UBE3C: variants seen among roughly 807,000 people sequenced by gnomAD.
UBE3C encodes the protein ubiquitin protein ligase E3C.
UBE3C carries 42 observed loss-of-function variants against 129.4 expected under a neutral mutation model. The ratio of observed to expected loss-of-function variants is 0.32; its 90% CI spans 0.25 to 0.42. The LOEUF (loss-of-function observed/expected upper bound fraction) is 0.42. UBE3C is among the 10% of genes least tolerant of loss of function. UBE3C has a pLI of 1.00. For synonymous variants in UBE3C, 510 were observed against 492.4 expected, an observed-to-expected ratio of 1.04 and a Z score of -0.47; for missense variants, 1,049 against 1,319.1, an observed-to-expected ratio of 0.80 and a Z score of 3.17.
In UBE3C at chr7:157,256,837, G is replaced by A. The variant is rs573850273; in HGVS notation, c.2951-77G>A. 7 of 1,584,800 alleles carry A rather than the reference G, an allele frequency of 4.4e-6. No homozygotes were observed. The Admixed American group carries it at 5.3e-5, about 12-fold the overall frequency. On this transcript the variant is annotated intron_variant, in intron 21 of 22. Transcript: ENST00000348165. ...TCCATGGACTTTAGTTTCCGTGGGT[G>A]TCTGGACCAATCCCTGTGGGTCCTG...
In UBE3C at chr7:157,253,995, C is replaced by T. The variant is rs1027569226; in HGVS notation, c.2736C>T (p.Thr912=). 21 of 1,605,336 alleles carry T rather than the reference C, an allele frequency of 1.3e-5. No homozygotes were observed. The highest frequency in any genetic ancestry group is 1.7e-5 in the Non-Finnish European group (20 of 1,175,288). ...LKFGGKDIPV[T]SANRIAYIHL... is the part of the protein sequence containing the mutation. ...TCGGTGGGAAAGACATCCCTGTCAC[C>T]AGCGCCAACCGGATTGCGTACATCC... The change falls in exon 20 of 23, where the codon ACC becomes ACT. Residue 912 remains threonine, a synonymous_variant. Transcript: ENST00000348165.
chr7:157,198,100 G>A (rs903101561), intron 10 of UBE3C: 34 of 1,612,166 alleles, frequency 2.1e-5, no homozygotes, highest in Non-Finnish European at 2.7e-5. Context: ...GCATTTGTTG[G>A]TTCATTGTAA....
At chr7:157,151,602 C>T (rs764136665) in intron 1 of UBE3C, among the ~76,000 whole-genome samples, 15 of 152,006 alleles carry the variant, frequency 9.9e-5, no homozygotes, top group African/African-American at 2.2e-4. Flanking sequence ...ATTATCCTGC[C>T]GGAAATACTA....
chr7:157,139,306 C>T lies in UBE3C; in HGVS notation c.34C>T (p.Pro12Ser), dbSNP rs1369566878. The T allele has an allele frequency of 6.3e-7, 1 of 1,583,864 alleles. No homozygotes were observed. Among genetic ancestry groups the T allele is most frequent in the Non-Finnish European group, 8.5e-7 (1 of 1,172,370 alleles). ...CTTCGAAGGCGACTTCAAGACGCGG[C>T]CCAAGGTGTCCCTTGGCGGCGCGAG... The part of the protein sequence containing the change: ...FSFEGDFKTR[P>S]KVSLGGASRK... The change falls in exon 1 of 23, where the codon CCC (proline) becomes TCC (serine). Residue 12 changes from proline to serine, a missense_variant. Transcript: ENST00000348165.
At chr7:157,255,718 T>C (rs1021608964) in intron 21 of UBE3C, among the ~76,000 whole-genome samples, 10 of 152,214 alleles carry the variant, frequency 6.6e-5, no homozygotes, top group African/African-American at 2.4e-4. Flanking sequence ...ATTGGTGTTA[T>C]TTCTGTAGTA....
intron 21 of UBE3C, 56 bp downstream of exon 21, chr7:157,254,366 C>A: frequency 1.9e-6 from 2 of 1,060,294 alleles, no homozygotes; most frequent in Non-Finnish European, 2.5e-6. Context: ...GTCATATTTC[C>A]AAAGTAATTT....
intron 11 of UBE3C, among the ~76,000 whole-genome samples, chr7:157,202,910 T>C (rs1029129336): frequency 2.6e-5 from 4 of 152,170 alleles, no homozygotes; most frequent in Admixed American, 1.3e-4. Context: ...GAACAAGAAG[T>C]TAGAAGAAAG....
intron 22 of UBE3C, among the ~76,000 whole-genome samples, chr7:157,262,408 G>GTTTTTTT (rs1247521634): frequency 1.5e-4 from 3 of 19,706 alleles, no homozygotes; most frequent in African/African-American, 2.3e-4. Context: ...CTCTTCATAG[G>GTTTTTTT]CTTTTTTTTT....
At chr7:157,177,238 C>T (rs1808542048) in intron 5 of UBE3C, among the ~76,000 whole-genome samples, 1 of 152,140 alleles carries the variant, frequency 6.6e-6, no homozygotes, top group African/African-American at 2.4e-5. Flanking sequence ...ATTTGTATTT[C>T]CTGGATTACT....
chr7:157,239,751 G>A (rs1389451426), intron 18 of UBE3C, among the ~76,000 whole-genome samples: 5 of 152,212 alleles, frequency 3.3e-5, no homozygotes, highest in Admixed American at 2.6e-4. Context: ...GAATTGCTGA[G>A]GGAGAGAGGA....
At chr7:157,161,645 G>T (rs1429886108) in intron 1 of UBE3C, among the ~76,000 whole-genome samples, 2 of 151,862 alleles carry the variant, frequency 1.3e-5, no homozygotes, top group African/African-American at 2.4e-5. Context: ...GTGGAGATAG[G>T]GTTTCACCAT....
intron 10 of UBE3C, among the ~76,000 whole-genome samples, chr7:157,196,497 CTT>C (rs1809124282): frequency 6.6e-6 from 1 of 152,114 alleles, no homozygotes; most frequent in Non-Finnish European, 1.5e-5. Flanking sequence ...CTACACTAGT[CTT>C]GTTCTGGAGA....
intron 11 of UBE3C, among the ~76,000 whole-genome samples, chr7:157,204,281 A>G (rs1007510265): frequency 1.3e-5 from 2 of 151,846 alleles, no homozygotes; most frequent in African/African-American, 2.4e-5. Flanking sequence ...CATTGCTAGG[A>G]CTTACAGCTT....
intron 22 of UBE3C, among the ~76,000 whole-genome samples, chr7:157,266,149 C>T (rs943911998): frequency 6.6e-6 from 1 of 152,000 alleles, no homozygotes; most frequent in Non-Finnish European, 1.5e-5. Flanking sequence ...CCCGTCTCTA[C>T]TAAAAATACA....
At chr7:157,263,180 TC>T (rs1796965965) in intron 22 of UBE3C, 1 of 152,456 alleles carries the variant, frequency 6.6e-6, no homozygotes, top group Admixed American at 6.5e-5. Flanking sequence ...TCCCGGAAAA[TC>T]AGCTTAGTCT....
chr7:157,140,634 G>A (rs1367049737), intron 1 of UBE3C, among the ~76,000 whole-genome samples: 1 of 152,202 alleles, frequency 6.6e-6, no homozygotes, highest in African/African-American at 2.4e-5. Context: ...ATTTGAAGGA[G>A]TGCCCATTCA....
At chr7:157,153,480 G>C (rs566322288) in intron 1 of UBE3C, among the ~76,000 whole-genome samples, 3 of 152,234 alleles carry the variant, frequency 2.0e-5, no homozygotes, top group Admixed American at 6.5e-5. Context: ...GTTTTTAACA[G>C]AGTCCAGGTC....
intron 1 of UBE3C, among the ~76,000 whole-genome samples, chr7:157,162,631 C>A (rs1808102999): frequency 6.6e-6 from 1 of 151,830 alleles, no homozygotes; most frequent in South Asian, 2.1e-4. Flanking sequence ...CCTTGACCTC[C>A]TGGGCCTAAG....
At chr7:157,212,224 AG>A (rs1363288936) in intron 13 of UBE3C, among the ~76,000 whole-genome samples, 11 of 152,228 alleles carry the variant, frequency 7.2e-5, no homozygotes, top group Admixed American at 3.9e-4. Flanking sequence ...AAATTAACTC[AG>A]TTGTTTGGTT....
Sources: allele counts gnomAD v4.1 joint callset (sites outside exome capture counted in the v4.1 genomes callset), GRCh38; gene constraint gnomAD v4.1.1; transcripts MANE v1.5; gene names NCBI Gene and HGNC (gene_info 2026-07-23, HGNC 2026-07-21).